MICAL2: variants seen among roughly 807,000 people sequenced by gnomAD.
MICAL2 encodes the protein microtubule associated monooxygenase, calponin and LIM domain containing 2, also known as [F-actin]-monooxygenase MICAL2.
MICAL2 carries 77 observed loss-of-function variants against 127.3 expected under a neutral mutation model. The ratio of observed to expected loss-of-function variants is 0.60; its 90% CI spans 0.50 to 0.73. MICAL2 has a LOEUF of 0.73. Among genes scored for constraint, MICAL2 ranks in the 30% least tolerant of loss-of-function variants. MICAL2 has a pLI of 0.00. For missense variants in MICAL2, 1,351 were observed against 1,434.4 expected (o/e 0.94, Z 0.94); for synonymous variants, 570 against 551.1 (o/e 1.03, Z -0.48).
At position 12,222,752 on chromosome 11, in the gene MICAL2, A is replaced by G. The variant is rs1393451127; in HGVS notation, c.1449+9A>G. 6 of 1,613,992 alleles carry G rather than the reference A, an allele frequency of 3.7e-6. No individual in the cohort carries two copies. The East Asian group carries it at 6.7e-5, about 18-fold the overall frequency. On this transcript the variant is annotated intron_variant, in intron 11 of 27. Transcript: ENST00000683283. ...GTGTCAGGCCCCATCAGGCAAGTCC[A>G]TTGCTGGGGCTCTGTCTGAATCACT...
intron 32 of MICAL2, among the ~76,000 whole-genome samples, chr11:12,335,512 T>A (rs12284559): frequency 0.21 from 32,367 of 151,140 alleles, 4,018 homozygotes; most frequent in African/African-American, 0.32. Context: ...GGTGTTTTAG[T>A]CATGAAGTCA....
chr11:12,194,549 C>T (rs1859635710), intron 3 of MICAL2, among the ~76,000 whole-genome samples: 2 of 152,186 alleles, frequency 1.3e-5, no homozygotes, highest in Admixed American at 1.3e-4. Flanking sequence ...ATGTAGGTTA[C>T]AACTGGCCCT....
chr11:12,251,323 C>T (rs1004852101), intron 22 of MICAL2, among the ~76,000 whole-genome samples: 6 of 151,722 alleles, frequency 4.0e-5, no homozygotes, highest in African/African-American at 1.2e-4. Context: ...CCGGTAAGGC[C>T]GTCCTGCTGT....
intron 30 of MICAL2, among the ~76,000 whole-genome samples, chr11:12,321,583 C>T (rs117717786): frequency 2.6e-4 from 40 of 152,316 alleles, no homozygotes; most frequent in South Asian, 2.5e-3. Context: ...TAGCCCTTAG[C>T]GTCTTTCCCT....
At chr11:12,181,520 T>C (rs1008125924) in intron 3 of MICAL2, among the ~76,000 whole-genome samples, 2 of 152,242 alleles carry the variant, frequency 1.3e-5, no homozygotes, top group Non-Finnish European at 2.9e-5. Flanking sequence ...GAATTTCAAG[T>C]AAAATGGTTT....
intron 16 of MICAL2, among the ~76,000 whole-genome samples, chr11:12,236,463 G>A (rs1430604323): frequency 3.3e-5 from 5 of 152,180 alleles, no homozygotes; most frequent in African/African-American, 1.2e-4. Context: ...CCCAGGATGT[G>A]GTTCATGTCT....
intron 15 of MICAL2, among the ~76,000 whole-genome samples, chr11:12,231,008 C>A (rs1858184955): frequency 6.6e-6 from 1 of 152,204 alleles, no homozygotes; most frequent in Non-Finnish European, 1.5e-5. Flanking sequence ...TGGCATGGGA[C>A]AGTTCCTGGG....
chr11:12,139,480 G>A (rs1380529073), intron 2 of MICAL2, among the ~76,000 whole-genome samples: 1 of 152,188 alleles, frequency 6.6e-6, no homozygotes, highest in Non-Finnish European at 1.5e-5. Flanking sequence ...AGATGCTGGG[G>A]CATGGGCGGA....
rs140959056 is a variant in MICAL2, at chr11:12,248,892, G to A, written c.2785-292G>A. Among the ~76,000 whole-genome samples, 452 of 141,558 alleles carry A rather than the reference G, an allele frequency of 3.2e-3. 5 individuals are homozygous for A. Among genetic ancestry groups the A allele is most frequent in the South Asian group, 3.7e-3 (16 of 4,290 alleles). The allele number at this position is 141,558 out of a possible 152,430, so 92.9% of individuals were successfully genotyped here. Reference sequence around the variant, plus strand: ...CCCAGCTTGGGGGATTTTAATTTGCGTAGTGCTGGTGTGGAAGAAGGATAT... The same window carrying A: ...CCCAGCTTGGGGGATTTTAATTTGCATAGTGCTGGTGTGGAAGAAGGATAT... On this transcript the variant is annotated intron_variant, in intron 21 of 27. Transcript: ENST00000683283.
At chr11:12,180,349 A>ATATATATATATATATATATATTTT (rs11403732) in intron 3 of MICAL2, among the ~76,000 whole-genome samples, 4 of 139,712 alleles carry the variant, frequency 2.9e-5, no homozygotes, top group African/African-American at 1.1e-4. Context: ...ATATGTATAT[A>ATATATATATATATATATATATTTT]TTTTTTTTTT....
downstream of MICAL2, chr11:12,292,316 C>A (rs375090449): frequency 3.7e-6 from 6 of 1,613,366 alleles, no homozygotes; most frequent in Non-Finnish European, 5.1e-6. Context: ...CCCTGAGGGT[C>A]CTGCCCAGGT....
At chr11:12,190,732 G>A (rs1345730082) in intron 3 of MICAL2, among the ~76,000 whole-genome samples, 5 of 152,192 alleles carry the variant, frequency 3.3e-5, no homozygotes, top group South Asian at 2.1e-4. Flanking sequence ...AAGCAAGAGT[G>A]GTGATTAATA....
intron 32 of MICAL2, among the ~76,000 whole-genome samples, chr11:12,338,814 G>T (rs61317130): frequency 0.011 from 1,657 of 152,248 alleles, 37 homozygotes; most frequent in African/African-American, 0.038. Context: ...GAGTTTCTGC[G>T]GAGAGATCAG....
At chr11:12,238,275 C>A (rs1359048523) in intron 16 of MICAL2, among the ~76,000 whole-genome samples, 2 of 152,152 alleles carry the variant, frequency 1.3e-5, no homozygotes, top group Non-Finnish European at 2.9e-5. Flanking sequence ...GGGAGGAGAT[C>A]CCGTAGTAAG....
At chr11:12,219,536 A>G (rs1856573276) in intron 8 of MICAL2, among the ~76,000 whole-genome samples, 1 of 150,370 alleles carries the variant, frequency 6.7e-6, no homozygotes, top group Non-Finnish European at 1.5e-5. Context: ...CTCAAAAAAA[A>G]AAAAAAAAAA....
At chr11:12,298,904 G>T (rs775761261) in intron 29 of MICAL2, among the ~76,000 whole-genome samples, 29 of 152,102 alleles carry the variant, frequency 1.9e-4, no homozygotes, top group African/African-American at 5.5e-4. Flanking sequence ...ATTACTTTTT[G>T]ATTATGTTTG....
At position 12,249,237 on chromosome 11, in the gene MICAL2, G is replaced by A; in HGVS notation, c.2838G>A (p.Val946=). 1.3e-6 allele frequency: 2 copies of A among 1,585,050 alleles called. No individual in the cohort carries two copies. The highest frequency in any genetic ancestry group is 1.7e-6 in the Non-Finnish European group (2 of 1,153,804). ...TTCATCCCAGCCATTTGAGAACAGT[G>A]CATCCTCAGGTGAGTTAGAGCCTCC... ...FHFHPSHLRT[V]HPQLTVGKVS... The change falls in exon 22 of 28, where the codon GTG becomes GTA. Residue 946 remains valine (V), a synonymous_variant. Coordinates refer to ENST00000683283, the MANE Select transcript of MICAL2 (RefSeq NM_001282663.2).
intron 3 of MICAL2, among the ~76,000 whole-genome samples, chr11:12,193,304 G>A (rs1859451799): frequency 6.6e-6 from 1 of 152,190 alleles, no homozygotes; most frequent in African/African-American, 2.4e-5. Context: ...GCACTCCTTG[G>A]CTCCAGCTCT....
intron 12 of MICAL2, among the ~76,000 whole-genome samples, chr11:12,223,848 G>A (rs1857104866): frequency 6.6e-6 from 1 of 152,170 alleles, no homozygotes; most frequent in Non-Finnish European, 1.5e-5. Context: ...TGAGCTTAAT[G>A]CACTTCACCC....
Sources: gnomAD v4.1 joint callset for allele counts (sites outside exome capture counted in the v4.1 genomes callset) on GRCh38, gnomAD v4.1.1 for gene constraint, MANE v1.5 for transcripts, NCBI Gene and HGNC (gene_info 2026-07-23, HGNC 2026-07-21) for gene names.